FAM76B: variants seen among roughly 807,000 people sequenced by gnomAD.
FAM76B encodes family with sequence similarity 76 member B.
A neutral mutation model predicts 51.8 loss-of-function variants in FAM76B; 16 were observed. The observed-to-expected ratio is 0.31, with a 90% CI of 0.21 to 0.47. The LOEUF is 0.47. Ranked by LOEUF, FAM76B falls within the 20% of genes least tolerant of loss-of-function variation. The pLI is 1.00. For synonymous variants in FAM76B, 166 were observed against 129.5 expected (o/e 1.28, Z -1.91); for missense variants, 342 against 392.6 (o/e 0.87, Z 1.09).
At position 95,789,472 on chromosome 11, in the gene FAM76B, C is replaced by T. The variant is rs1304694166; in HGVS notation, c.7G>A (p.Ala3Thr). Reference sequence around the variant, plus strand: ...TTGGTGCAGGCGTACAGGGCCGAGGCCGCCATCCTGCTCCTCAGTCTCCTC... The same window carrying T: ...TTGGTGCAGGCGTACAGGGCCGAGGTCGCCATCCTGCTCCTCAGTCTCCTC... MA[A>T]SALYACTKCT... Residue 3 changes from alanine to threonine, a missense_variant, in exon 1 of 10, where the codon GCC becomes ACC. Coordinates refer to ENST00000358780, the MANE Select transcript of FAM76B (RefSeq NM_144664.5). 2 of 1,605,040 alleles carry T rather than the reference C, an allele frequency of 1.2e-6. No individual in the cohort carries two copies. Among genetic ancestry groups the T allele is most frequent in the East Asian group, 4.5e-5 (2 of 44,310 alleles).
intron 3 of FAM76B, among the ~76,000 whole-genome samples, chr11:95,787,096 CA>C (rs1232884713): frequency 6.6e-6 from 1 of 152,160 alleles, no homozygotes; most frequent in African/African-American, 2.4e-5. Flanking sequence ...AACAGCTTCA[CA>C]AATTTCACAC....
chr11:95,788,793 A>G (rs1860767671), intron 1 of FAM76B: 1 of 1,473,286 alleles, frequency 6.8e-7, no homozygotes. Context: ...TTACAGACAA[A>G]TTAAGAAAGC....
chr11:95,775,349 GTATACT>G (rs549472506), intron 9 of FAM76B, among the ~76,000 whole-genome samples: 27 of 151,490 alleles, frequency 1.8e-4, no homozygotes, highest in African/African-American at 6.3e-4. Flanking sequence ...CAGTTGTTCT[GTATACT>G]TAAACTGCTA....
intron 8 of FAM76B, among the ~76,000 whole-genome samples, chr11:95,777,078 G>A (rs1860044366): frequency 6.6e-6 from 1 of 151,252 alleles, no homozygotes; most frequent in Non-Finnish European, 1.5e-5. Context: ...TACACTGTGA[G>A]TTGCCTCCTC....
At chr11:95,779,740 AATG>A (rs1203838471) in intron 6 of FAM76B, 53 bp from the exon 7 acceptor site, 5 of 1,583,854 alleles carry the variant, frequency 3.2e-6, no homozygotes, top group Non-Finnish European at 4.3e-6. Flanking sequence ...AGAGAAACCA[AATG>A]ATAAGTTATT....
At chr11:95,778,152 C>A (rs1047896651) in intron 8 of FAM76B, among the ~76,000 whole-genome samples, 3 of 151,468 alleles carry the variant, frequency 2.0e-5, no homozygotes. Flanking sequence ...TAAATTACTT[C>A]AAAACTGTTT....
intron 9 of FAM76B, among the ~76,000 whole-genome samples, chr11:95,772,099 T>A (rs1214799182): frequency 6.6e-6 from 1 of 151,188 alleles, no homozygotes; most frequent in Non-Finnish European, 1.5e-5. Flanking sequence ...CTTTTTTCTA[T>A]GTTTACTCTC....
intron 6 of FAM76B, 52 bp from the exon 7 acceptor site, chr11:95,779,739 A>T: frequency 6.3e-7 from 1 of 1,584,920 alleles, no homozygotes; most frequent in Non-Finnish European, 8.6e-7. Context: ...CAGAGAAACC[A>T]AATGATAAGT....
intron 5 of FAM76B, among the ~76,000 whole-genome samples, chr11:95,781,403 AAT>A (rs777412374): frequency 1.2e-4 from 18 of 152,192 alleles, no homozygotes; most frequent in Non-Finnish European, 2.4e-4. Flanking sequence ...TCAAATAGAA[AAT>A]AGTGTTTGTA....
At chr11:95,777,661 T>C (rs1860069585) in intron 8 of FAM76B, among the ~76,000 whole-genome samples, 1 of 151,284 alleles carries the variant, frequency 6.6e-6, no homozygotes, top group Non-Finnish European at 1.5e-5. Flanking sequence ...CACTCCTAAT[T>C]TTCATATACT....
intron 9 of FAM76B, among the ~76,000 whole-genome samples, chr11:95,773,047 A>C (rs1859839307): frequency 1.3e-5 from 2 of 151,104 alleles, no homozygotes; most frequent in South Asian, 4.1e-4. Flanking sequence ...AAAGATCTCC[A>C]CTAGATCTGT....
chr11:95,788,279 T>G (rs574835947), intron 2 of FAM76B, among the ~76,000 whole-genome samples: 1 of 152,348 alleles, frequency 6.6e-6, no homozygotes, highest in East Asian at 1.9e-4. Flanking sequence ...CATGTAGTAT[T>G]ATTCCTTCTC....
chr11:95,775,749 A>G (rs1318876231), intron 9 of FAM76B, 173 bp downstream of exon 9: 2 of 388,138 alleles, frequency 5.2e-6, no homozygotes, highest in East Asian at 7.8e-5. Context: ...AGTAATTTCA[A>G]ACAATAACTT....
At position 95,784,343 on chromosome 11, in the gene FAM76B, G is replaced by T. The variant is rs373006792; in HGVS notation, c.364-1079C>A. The stretch of plus-strand genomic sequence containing the variant: ...GGAAAAATAACTAATAGGTATTAGG[G>T]TTAATACCTGGGTGATGAAATAATC... On this transcript the variant is annotated intron_variant, in intron 4 of 9. Transcript: ENST00000358780. Among the ~76,000 whole-genome samples the T allele has an allele frequency of 1.6e-4, 24 of 152,168 alleles. No individual in the cohort carries two copies. In the East Asian group the frequency reaches 3.5e-3, roughly 22 times the overall value.
Position 95,770,091 on chromosome 11 carries a change from C to T in FAM76B, c.*1470G>A, listed in dbSNP as rs894786285. 8 of 151,352 alleles carry T rather than the reference C, an allele frequency of 5.3e-5. No homozygotes were observed. The highest frequency in any genetic ancestry group is 1.3e-4 in the Admixed American group (2 of 15,154). 9.4% of individuals were successfully genotyped at this position (151,352 alleles called of 1,614,324 possible). On this transcript the variant is annotated 3_prime_UTR_variant, in exon 10 of 10. Transcript: ENST00000358780. ...TTACATGAAGCAAATTTATCTTTGC[C>T]CATAAATTATTAAGAGAAGCAACTC...
At chr11:95,775,872 T>C (rs760744869) in intron 9 of FAM76B, 50 bp downstream of exon 9, 212 of 1,254,272 alleles carry the variant, frequency 1.7e-4, no homozygotes, top group Non-Finnish European at 2.2e-4. Context: ...ATGCTATTAC[T>C]CAAGTTTAGC....
intron 8 of FAM76B, 120 bp downstream of exon 8, chr11:95,778,702 T>C: frequency 7.1e-6 from 9 of 1,268,596 alleles, no homozygotes; most frequent in Non-Finnish European, 9.4e-6. Context: ...TAATTTGTCT[T>C]ATAAAAATCA....
Position 95,789,404 on chromosome 11 carries a change from C to T in FAM76B, c.75G>A (p.Gln25=), listed in dbSNP as rs745404240. 1.6e-5 allele frequency: 26 copies of T among 1,603,648 alleles called. 1 individual carries two copies. Among genetic ancestry groups the T allele is most frequent in the Non-Finnish European group, 8.5e-7 (1 of 1,175,446 alleles). The change falls in exon 1 of 10, where the codon CAG becomes CAA. Residue 25 remains glutamine (Q), a synonymous_variant. Transcript: ENST00000358780. The part of the protein sequence containing the change: ...RYPFEELSQG[Q]QLCKECRIAH... The stretch of plus-strand genomic sequence containing the variant: ...GGAGCCCACGGACCTTGCAGAGCTG[C>T]TGGCCCTGGGAGAGCTCCTCGAAAG...
intron 4 of FAM76B, among the ~76,000 whole-genome samples, chr11:95,784,461 GATGTGTCTT>G (rs1860441650): frequency 6.6e-6 from 1 of 152,038 alleles, no homozygotes; most frequent in African/African-American, 2.4e-5. Flanking sequence ...CGAAGGCTGT[GATGTGTCTT>G]AAAGAGAAAA....
Sources: gnomAD v4.1 joint callset for allele counts (sites outside exome capture counted in the v4.1 genomes callset) on GRCh38, gnomAD v4.1.1 for gene constraint, MANE v1.5 for transcripts, NCBI Gene and HGNC (gene_info 2026-07-23, HGNC 2026-07-21) for gene names.